The following POFUT3 variants were observed in gnomAD, a reference collection of about 807,000 sequenced individuals.
POFUT3 encodes protein O-fucosyltransferase 3.
At chr8:33,387,659 T>C in the POFUT3 span, among the ~76,000 whole-genome samples, 1 of 151,940 alleles carries the variant, frequency 6.6e-6, no homozygotes, top group Non-Finnish European at 1.5e-5. Context: ...CAAAAATTAG[T>C]CAGGTGTGGT....
At chr8:33,328,088 ATCT>A in the POFUT3 span, among the ~76,000 whole-genome samples, 3 of 152,166 alleles carry the variant, frequency 2.0e-5, no homozygotes, top group African/African-American at 4.8e-5. Context: ...AAAAGTAGTG[ATCT>A]TCTTCTCTTA....
At chr8:33,461,487 C>G in the POFUT3 span, 3 of 1,613,068 alleles carry the variant, frequency 1.9e-6, no homozygotes, top group African/African-American at 4.0e-5. Context: ...AGAGGGCTAA[C>G]CTGGTTACCA....
the POFUT3 span, among the ~76,000 whole-genome samples, chr8:33,318,431 T>C: frequency 7.0e-6 from 1 of 143,730 alleles, no homozygotes; most frequent in East Asian, 2.0e-4. Context: ...CACACATGTA[T>C]ATATGTATTT....
At chr8:33,336,293 G>A in the POFUT3 span, among the ~76,000 whole-genome samples, 1 of 152,134 alleles carries the variant, frequency 6.6e-6, no homozygotes, top group African/African-American at 2.4e-5. Context: ...GAGTTGGGCA[G>A]GGGCACCCCA....
At chr8:33,406,813 T>C in the POFUT3 span, among the ~76,000 whole-genome samples, 76 of 152,170 alleles carry the variant, frequency 5.0e-4, 1 homozygote, top group East Asian at 0.01. Flanking sequence ...AATCCTCCCA[T>C]CTCAGCTCGC....
chr8:33,399,919 G>T, the POFUT3 span, among the ~76,000 whole-genome samples: 1 of 151,936 alleles, frequency 6.6e-6, no homozygotes, highest in East Asian at 1.9e-4. Context: ...CTCCCAAAGT[G>T]CTGGGATTAC....
the POFUT3 span, among the ~76,000 whole-genome samples, chr8:33,458,196 A>T: frequency 2.6e-5 from 4 of 152,128 alleles, no homozygotes; most frequent in Non-Finnish European, 4.4e-5. Context: ...TAAGCCAAGG[A>T]GAGAGGCCAC....
chr8:33,404,761 AT>A, the POFUT3 span, among the ~76,000 whole-genome samples: 2 of 152,196 alleles, frequency 1.3e-5, no homozygotes, highest in African/African-American at 4.8e-5. Flanking sequence ...AGCATCAAAT[AT>A]GAGAAAGTAC....
chr8:33,350,563 T>C, the POFUT3 span, among the ~76,000 whole-genome samples: 1 of 152,128 alleles, frequency 6.6e-6, no homozygotes, highest in Non-Finnish European at 1.5e-5. Flanking sequence ...GTGGGATTGA[T>C]TGACATGGGA....
chr8:33,423,239 T>C, the POFUT3 span, among the ~76,000 whole-genome samples: 1 of 151,850 alleles, frequency 6.6e-6, no homozygotes, highest in East Asian at 1.9e-4. Flanking sequence ...TAAGTTTGTA[T>C]CCTTGATATT....
chr8:33,473,094 T>C, the POFUT3 span: 126,110 of 152,254 alleles, frequency 0.83, 52,955 homozygotes, highest in African/African-American at 0.96. Flanking sequence ...TCCCGCAGAA[T>C]GCAGCGCAGC....
At chr8:33,406,947 A>G in the POFUT3 span, among the ~76,000 whole-genome samples, 1 of 152,180 alleles carries the variant, frequency 6.6e-6, no homozygotes, top group Non-Finnish European at 1.5e-5. Context: ...AAAACTAACA[A>G]GAAGAACAAA....
At chr8:33,329,277 G>A in the POFUT3 span, among the ~76,000 whole-genome samples, 1 of 152,178 alleles carries the variant, frequency 6.6e-6, no homozygotes, top group East Asian at 1.9e-4. Context: ...GCTATTGATT[G>A]GGCATACTTA....
chr8:33,358,239 C>G, the POFUT3 span, among the ~76,000 whole-genome samples: 1 of 152,056 alleles, frequency 6.6e-6, no homozygotes, highest in African/African-American at 2.4e-5. Flanking sequence ...GGCAACAGAG[C>G]AAAACCCTGT....
chr8:33,408,474 A>G, the POFUT3 span, among the ~76,000 whole-genome samples: 1 of 152,102 alleles, frequency 6.6e-6, no homozygotes, highest in Non-Finnish European at 1.5e-5. Flanking sequence ...GCAACTCAGG[A>G]CAGTTAGTCA....
chr8:33,326,750 G>A, the POFUT3 span, among the ~76,000 whole-genome samples: 1 of 151,708 alleles, frequency 6.6e-6, no homozygotes, highest in Non-Finnish European at 1.5e-5. Flanking sequence ...CTCTGCTCAT[G>A]TAGCCAAGAC....
the POFUT3 span, among the ~76,000 whole-genome samples, chr8:33,316,068 T>G: frequency 6.6e-6 from 1 of 152,142 alleles, no homozygotes; most frequent in Non-Finnish European, 1.5e-5. Flanking sequence ...AAGTGCTAAT[T>G]AAGAAACAAT....
the POFUT3 span, among the ~76,000 whole-genome samples, chr8:33,423,681 CATTT>C: frequency 6.6e-6 from 1 of 151,996 alleles, no homozygotes; most frequent in Non-Finnish European, 1.5e-5. Context: ...TAAAATGCAA[CATTT>C]TATATTTACA....
the POFUT3 span, among the ~76,000 whole-genome samples, chr8:33,313,701 G>A: frequency 6.6e-6 from 1 of 152,048 alleles, no homozygotes; most frequent in Non-Finnish European, 1.5e-5. Context: ...TTATTTTAAA[G>A]ATACTTTGCT....
Sources: gnomAD v4.1 joint callset for allele counts (sites outside exome capture counted in the v4.1 genomes callset) on GRCh38, gnomAD v4.1.1 for gene constraint, MANE v1.5 for transcripts, NCBI Gene and HGNC (gene_info 2026-07-23, HGNC 2026-07-21) for gene names.